Variants in RBM4 observed in about 807,000 individuals in gnomAD.
RBM4 encodes RNA binding motif protein 4.
A neutral mutation model predicts 29.5 loss-of-function variants in RBM4; 7 were observed. The ratio of observed to expected loss-of-function variants is 0.24; its 90% CI spans 0.14 to 0.45. The LOEUF (loss-of-function observed/expected upper bound fraction) is 0.45. RBM4 is among the 20% of genes least tolerant of loss of function. The pLI, the probability that RBM4 is intolerant of heterozygous loss-of-function variation, is 1.00. For missense variants in RBM4, 387 were observed against 502.3 expected (o/e 0.77, Z 2.19); for synonymous variants, 220 against 205.4 (o/e 1.07, Z -0.61).
chr11:66,663,479 C>T (rs1474140872), intron 2 of RBM4, among the ~76,000 whole-genome samples: 2 of 152,150 alleles, frequency 1.3e-5, no homozygotes, highest in African/African-American at 4.8e-5. Flanking sequence ...ATTCTCCTGC[C>T]TCAGCCTCCC....
At position 66,640,051 on chromosome 11, in the gene RBM4, G is replaced by A; in HGVS notation, c.340G>A (p.Ala114Thr). The change falls in exon 2 of 4, where the codon GCC becomes ACC. Residue 114 changes from alanine (A) to threonine (T), a missense_variant. By Grantham distance (58) the Ala-to-Thr change is moderately conservative. Around this residue, in one of 2 missense-constraint regions of RBM4, gnomAD observed 106 missense variants for 213.6 expected, o/e 0.50. Transcript: ENST00000310092. ...VIECDIVKDYAFVHMERAEDA... is the reference protein window; with the variant it reads ...VIECDIVKDYTFVHMERAEDA... Reference sequence around the variant, plus strand: ...CGAATGTGACATCGTGAAAGATTATGCCTTCGTACACATGGAGCGGGCAGA... The same window carrying A: ...CGAATGTGACATCGTGAAAGATTATACCTTCGTACACATGGAGCGGGCAGA... 6.2e-7 allele frequency: 1 copy of A among 1,614,206 alleles called. No individual in the cohort carries two copies. Among genetic ancestry groups the A allele is most frequent in the Non-Finnish European group, 8.5e-7 (1 of 1,180,042 alleles).
At chr11:66,665,013 C>CATTT (rs1204269343) in intron 2 of RBM4, 1 of 152,348 alleles carries the variant, frequency 6.6e-6, no homozygotes, top group Non-Finnish European at 1.5e-5. Flanking sequence ...GTGTTAGAAA[C>CATTT]ATTTATTTGT....
In RBM4 at chr11:66,644,213, G is replaced by T. The variant is rs1019398898; in HGVS notation, c.*8+73G>T. The stretch of plus-strand genomic sequence containing the variant: ...CAGCCTAAAGGGCTCCAATTAGGCT[G>T]CCCTGCTTGCTTGCTTGCTTTTGCA... On this transcript the variant is annotated intron_variant, in intron 3 of 3. Coordinates refer to ENST00000310092, the MANE Select transcript of RBM4 (RefSeq NM_002896.4). 1.8e-5 allele frequency: 28 copies of T among 1,524,248 alleles called. No homozygotes were observed. The Middle Eastern group carries it at 8.1e-4, about 44-fold the overall frequency. The allele number at this position is 1,524,248 out of a possible 1,614,324, so 94.4% of individuals were successfully genotyped here. A position where few individuals can be genotyped will look rare whatever the true frequency, so the allele number is the denominator to read the frequency against.
At chr11:66,652,743 TGTCGTA>T (rs1305155527) in intron 2 of RBM4, among the ~76,000 whole-genome samples, 1 of 152,088 alleles carries the variant, frequency 6.6e-6, no homozygotes, top group Non-Finnish European at 1.5e-5. Context: ...TGGTGGCGCA[TGTCGTA>T]GTCTCAGCTA....
rs768130951 is a variant in RBM4, at chr11:66,644,065, CTCTG to C, written c.1030_1033del (p.Leu344ThrfsTer23). 4 of 1,614,038 alleles carry C rather than the reference CTCTG, an allele frequency of 2.5e-6. No individual in the cohort carries two copies. In the South Asian group the frequency reaches 4.4e-5, roughly 18 times the overall value. Reference sequence around the variant, plus strand: ...CAAGCTTCAGCAGCCGCGCGGAATTCTCTGTACGACATGGCCCGGTATGAGCGGG... The same window carrying C: ...CAAGCTTCAGCAGCCGCGCGGAATTCTACGACATGGCCCGGTATGAGCGGG... On this transcript the variant is annotated frameshift_variant, in exon 3 of 4. Transcript: ENST00000310092. LOFTEE classifies it high-confidence loss of function.
intron 2 of RBM4, chr11:66,640,544 A>G (rs956190734): frequency 6.1e-6 from 2 of 329,490 alleles, no homozygotes; most frequent in Non-Finnish European, 1.1e-5. Context: ...GTCAAGCGAC[A>G]CTTATAGGAC....
chr11:66,654,137 G>A (rs910311800), intron 2 of RBM4, among the ~76,000 whole-genome samples: 2 of 152,038 alleles, frequency 1.3e-5, no homozygotes, highest in Non-Finnish European at 2.9e-5. Context: ...TGATCCTCCC[G>A]TCTCAGCCTC....
downstream of RBM4, among the ~76,000 whole-genome samples, chr11:66,647,476 A>T (rs1773087341): frequency 6.6e-6 from 1 of 152,132 alleles, no homozygotes; most frequent in African/African-American, 2.4e-5. Context: ...TCGTGTTCTC[A>T]TTTAATCTTC....
intron 1 of RBM4, chr11:66,639,293 G>C (rs1301532461): frequency 5.7e-6 from 1 of 175,770 alleles, no homozygotes; most frequent in African/African-American, 2.4e-5. Context: ...GGCTGCTTTG[G>C]TTCCTACGTG....
chr11:66,648,805 C>T (rs1212210801), downstream of RBM4, among the ~76,000 whole-genome samples: 2 of 151,444 alleles, frequency 1.3e-5, no homozygotes, highest in African/African-American at 2.4e-5. Flanking sequence ...AAGGGCAAGA[C>T]TTCTCTCAAA....
At chr11:66,665,472 T>C in intron 2 of RBM4, 1 of 854,242 alleles carries the variant, frequency 1.2e-6, no homozygotes. Context: ...AAACTCCTTT[T>C]GTTTACTGAA....
downstream of RBM4, among the ~76,000 whole-genome samples, chr11:66,650,437 G>C (rs1164366751): frequency 6.6e-6 from 1 of 152,128 alleles, no homozygotes; most frequent in Non-Finnish European, 1.5e-5. Context: ...CGGGCATGGT[G>C]GTGGGCACCT....
intron 2 of RBM4, chr11:66,665,508 C>A (rs1228825759): frequency 1.6e-6 from 2 of 1,219,644 alleles, no homozygotes; most frequent in Non-Finnish European, 1.2e-6. Flanking sequence ...AACATCCCGG[C>A]AAAGGGGACC....
intron 3 of RBM4, 139 bp downstream of exon 3, chr11:66,644,279 A>C: frequency 8.2e-7 from 1 of 1,226,186 alleles, no homozygotes; most frequent in Non-Finnish European, 1.1e-6. Flanking sequence ...CAGGCTAGAG[A>C]GAAGTCCTAA....
chr11:66,666,227 GA>G, exon 3 of RBM4: 2 of 896,672 alleles, frequency 2.2e-6, no homozygotes, highest in Middle Eastern at 4.2e-4. Context: ...TTGATGATGG[GA>G]ACTCCAGACA....
At position 66,657,531 on chromosome 11, in the gene RBM4, A is replaced by G. The variant is rs1386144605; in HGVS notation, c.413-8325A>G. On this transcript the variant is annotated intron_variant, in intron 2 of 2. Coordinates refer to the RBM4 transcript ENST00000396053. Reference sequence around the variant, plus strand: ...ACCCCGTCTCTACTAAAAATGTAAAATATTAGCCAGTTGTCGTGGTGCGCA... The same window carrying G: ...ACCCCGTCTCTACTAAAAATGTAAAGTATTAGCCAGTTGTCGTGGTGCGCA... Among the ~76,000 whole-genome samples, 3 of 151,806 alleles carry G rather than the reference A, an allele frequency of 2.0e-5. No homozygotes were observed. The East Asian group carries it at 5.9e-4, about 30-fold the overall frequency.
rs888221055 is a variant in RBM4 at position 66,665,959 on chromosome 11, A to G, written c.516A>G (p.Arg172=). 4 of 1,528,254 alleles carry G rather than the reference A, an allele frequency of 2.6e-6. No homozygotes were observed. The African/African-American group carries it at 4.1e-5, about 16-fold the overall frequency. 94.7% of individuals were successfully genotyped at this position (1,528,254 alleles called of 1,614,324 possible). ...TTTTGGAGTCCAGGAAAAGCAGAAG[A>G]TGCTGAGATGTCATATATGGCGAAT... is the stretch of plus-strand genomic sequence containing the variant. The change falls in exon 3 of 3, where the codon AGA becomes AGG. Residue 172 remains arginine, a synonymous_variant. Transcript: ENST00000396053.
At chr11:66,660,597 T>A (rs1161969971) in intron 2 of RBM4, among the ~76,000 whole-genome samples, 2 of 151,440 alleles carry the variant, frequency 1.3e-5, no homozygotes, top group Non-Finnish European at 2.9e-5. Context: ...CTACCTCGGC[T>A]CCCAAAGTGC....
chr11:66,639,311 G>A (rs1043321809), intron 1 of RBM4: 32 of 186,680 alleles, frequency 1.7e-4, no homozygotes, highest in Non-Finnish European at 3.1e-4. Context: ...GTGAGGAAAA[G>A]CCTGTTGATA....
Sources: allele counts gnomAD v4.1 joint callset (sites outside exome capture counted in the v4.1 genomes callset), GRCh38; gene constraint gnomAD v4.1.1; regional missense constraint gnomAD v4.1.1; transcripts MANE v1.5; gene names NCBI Gene and HGNC (gene_info 2026-07-23, HGNC 2026-07-21).